Variants in TLN2 observed in about 807,000 individuals in gnomAD.
TLN2 encodes talin 2.
Under a neutral mutation model 294.7 loss-of-function variants are expected in TLN2, and 118 were observed. The ratio of observed to expected loss-of-function variants is 0.40; its 90% CI spans 0.34 to 0.47. The LOEUF is 0.47. Ranked by LOEUF, TLN2 falls within the 20% of genes least tolerant of loss-of-function variation. The pLI, the probability that TLN2 is intolerant of heterozygous loss-of-function variation, is 0.84. For synonymous variants in TLN2, 1,431 were observed against 1,304.5 expected, an observed-to-expected ratio of 1.10 and a Z score of -2.09; for missense variants, 3,083 against 3,282.2, an observed-to-expected ratio of 0.94 and a Z score of 1.48.
At chr15:62,442,635 T>C (rs1287283951) in intron 1 of TLN2, among the ~76,000 whole-genome samples, 1 of 152,048 alleles carries the variant, frequency 6.6e-6, no homozygotes, top group Non-Finnish European at 1.5e-5. Flanking sequence ...AAGTGTAGTA[T>C]TGAGTGTACT....
At chr15:62,563,451 C>T (rs2043145328) in intron 1 of TLN2, among the ~76,000 whole-genome samples, 1 of 151,860 alleles carries the variant, frequency 6.6e-6, no homozygotes, top group Admixed American at 6.6e-5. Flanking sequence ...TATTTGTTTT[C>T]TTCTTGTTTA....
At chr15:62,439,747 T>A (rs1163261942) in intron 1 of TLN2, among the ~76,000 whole-genome samples, 1 of 152,200 alleles carries the variant, frequency 6.6e-6, no homozygotes, top group Non-Finnish European at 1.5e-5. Context: ...AGTGTTAGAC[T>A]TTTTCCCTTT....
In TLN2 at chr15:62,776,818, G is replaced by A. The variant is rs779294323; in HGVS notation, c.5422G>A (p.Val1808Met). 1.4e-5 allele frequency: 23 copies of A among 1,599,740 alleles called. No homozygotes were observed. The highest frequency in any genetic ancestry group is 1.8e-5 in the Non-Finnish European group (21 of 1,172,600). ...GGCCGCCCAGTTGATGAAGGAAGCC[G>A]TGGATGACATCATGGTGACGCTGAA... is the stretch of plus-strand genomic sequence containing the variant. ...TEAAQLMKEAVDDIMVTLNEA... is the reference protein window; with the variant it reads ...TEAAQLMKEAMDDIMVTLNEA... Residue 1808 changes from valine to methionine, a missense_variant, in exon 43 of 59, where the codon GTG becomes ATG. Coordinates refer to ENST00000636159, the MANE Select transcript of TLN2 (RefSeq NM_015059.3).
intron 32 of TLN2, among the ~76,000 whole-genome samples, chr15:62,741,191 A>G (rs1219305151): frequency 6.6e-6 from 1 of 152,272 alleles, no homozygotes; most frequent in African/African-American, 2.4e-5. Context: ...TTTATTGAGC[A>G]CTTAACCCTG....
intron 1 of TLN2, among the ~76,000 whole-genome samples, chr15:62,527,296 TG>T (rs2040796016): frequency 6.6e-6 from 1 of 152,196 alleles, no homozygotes; most frequent in Non-Finnish European, 1.5e-5. Context: ...GGTTCCCTTG[TG>T]GGTTTCTTGG....
intron 9 of TLN2, among the ~76,000 whole-genome samples, chr15:62,662,550 CTAAA>C (rs1190268161): frequency 2.0e-5 from 3 of 152,102 alleles, no homozygotes; most frequent in Non-Finnish European, 2.9e-5. Context: ...CAAATTATAA[CTAAA>C]TAGTGTTTCT....
intron 12 of TLN2, chr15:62,690,271 G>A (rs1353539484): frequency 6.1e-6 from 1 of 164,430 alleles, no homozygotes; most frequent in Admixed American, 6.4e-5. Flanking sequence ...CTGCCGGGCG[G>A]AGGGGCTCCT....
intron 7 of TLN2, among the ~76,000 whole-genome samples, chr15:62,654,962 C>T (rs1487282957): frequency 6.6e-6 from 1 of 151,726 alleles, no homozygotes; most frequent in Non-Finnish European, 1.5e-5. Flanking sequence ...GGCCTCTTTC[C>T]TCCTTTCATT....
chr15:62,499,709 C>T (rs1457395972), intron 1 of TLN2, among the ~76,000 whole-genome samples: 2 of 152,122 alleles, frequency 1.3e-5, no homozygotes, highest in African/African-American at 4.8e-5. Context: ...TCAAGCAATT[C>T]TCCTGCCTCA....
chr15:62,473,435 G>A (rs965079853), intron 1 of TLN2, among the ~76,000 whole-genome samples: 4 of 151,960 alleles, frequency 2.6e-5, no homozygotes, highest in African/African-American at 9.7e-5. Context: ...ATGAACATCT[G>A]CGGAGCCAAC....
chr15:62,566,952 A>G (rs2043451687), intron 1 of TLN2, among the ~76,000 whole-genome samples: 4 of 152,010 alleles, frequency 2.6e-5, no homozygotes, highest in Non-Finnish European at 1.5e-5. Flanking sequence ...AAAGCAAAAT[A>G]CCCATAGCCC....
At chr15:62,840,419 G>C in intron 58 of TLN2, 63 bp from the exon 59 acceptor site, 1 of 1,594,958 alleles carries the variant, frequency 6.3e-7, no homozygotes, top group Middle Eastern at 1.7e-4. Context: ...CATGAGCAGT[G>C]GGGTGGGTCG....
In TLN2 at chr15:62,805,757, C is replaced by T; in HGVS notation, c.6635C>T (p.Ala2212Val). The change falls in exon 51 of 59, where the codon GCC becomes GTC. Residue 2212 changes from alanine to valine, a missense_variant. Ala to Val is a moderately conservative substitution (Grantham distance 64). Transcript: ENST00000636159. ...GCTACTGCCAACCTGAGCCGGAAAGCCGTGTCAGATATGTTGACGGCTTGC... is the reference window on the plus strand; with the variant it reads ...GCTACTGCCAACCTGAGCCGGAAAGTCGTGTCAGATATGTTGACGGCTTGC... ...VIATANLSRK[A>V]VSDMLTACKQ... The T allele has an allele frequency of 2.5e-6, 4 of 1,613,942 alleles. No individual in the cohort carries two copies. The highest frequency in any genetic ancestry group is 3.4e-6 in the Non-Finnish European group (4 of 1,179,906).
At chr15:62,755,419 AATTAC>A in intron 36 of TLN2, 108 bp from the exon 37 acceptor site, 1 of 1,320,918 alleles carries the variant, frequency 7.6e-7, no homozygotes, top group Non-Finnish European at 1.0e-6. Flanking sequence ...ACATGCTTGT[AATTAC>A]ACAGGCTCTG....
intron 46 of TLN2, among the ~76,000 whole-genome samples, chr15:62,794,641 T>A (rs544878008): frequency 3.6e-4 from 55 of 152,318 alleles, no homozygotes; most frequent in African/African-American, 1.3e-3. Context: ...ACTTGTCTTT[T>A]CCTGGCAGGA....
chr15:62,393,656 G>A (rs558061063), intron 1 of TLN2, among the ~76,000 whole-genome samples: 2 of 151,980 alleles, frequency 1.3e-5, no homozygotes, highest in Admixed American at 6.6e-5. Context: ...ATGCATTTTA[G>A]CGTTATGCTT....
At chr15:62,750,611 T>C (rs2061879193) in intron 34 of TLN2, 120 bp downstream of exon 34, 1 of 824,882 alleles carries the variant, frequency 1.2e-6, no homozygotes, top group East Asian at 2.5e-5. Context: ...ACATGTAGCA[T>C]GAAGCCTATT....
At chr15:62,826,093 G>A (rs981833582) in intron 54 of TLN2, among the ~76,000 whole-genome samples, 1 of 151,134 alleles carries the variant, frequency 6.6e-6, no homozygotes, top group Non-Finnish European at 1.5e-5. Flanking sequence ...GTAGGTCCTT[G>A]TCAGATCCTT....
At chr15:62,411,602 T>C (rs1268335813) in intron 1 of TLN2, among the ~76,000 whole-genome samples, 2 of 152,054 alleles carry the variant, frequency 1.3e-5, no homozygotes, top group African/African-American at 4.8e-5. Flanking sequence ...GTTTTGCCCA[T>C]TGAGGTTGAG....
Sources: gnomAD v4.1 joint callset for allele counts (sites outside exome capture counted in the v4.1 genomes callset) on GRCh38, gnomAD v4.1.1 for gene constraint, MANE v1.5 for transcripts, NCBI Gene and HGNC (gene_info 2026-07-23, HGNC 2026-07-21) for gene names.